Variants in PTPRO observed in about 807,000 individuals in gnomAD.
PTPRO encodes protein tyrosine phosphatase receptor type O.
In PTPRO, 62 loss-of-function variants were observed where a neutral mutation model predicts 145.2. That is an observed-to-expected ratio of 0.43 (90% CI 0.35 to 0.53). The LOEUF is 0.53. PTPRO is among the 20% of genes least tolerant of loss of function. The probability of loss-of-function intolerance (pLI) is 0.01; values close to 1 mark genes in which losing one functional copy is unlikely to be tolerated. For synonymous variants in PTPRO, 565 were observed against 514.7 expected (o/e 1.10, Z -1.32); for missense variants, 1,345 against 1,482.7 (o/e 0.91, Z 1.53).
chr12:15,583,159 C>A (rs1944356429), intron 23 of PTPRO, among the ~76,000 whole-genome samples: 1 of 152,096 alleles, frequency 6.6e-6, no homozygotes, highest in Admixed American at 6.5e-5. Context: ...AGCCCATGAG[C>A]TAAGAATGGT....
At chr12:15,391,271 G>A (rs1939183165) in intron 1 of PTPRO, among the ~76,000 whole-genome samples, 2 of 152,144 alleles carry the variant, frequency 1.3e-5, no homozygotes, top group Non-Finnish European at 2.9e-5. Flanking sequence ...TCTCTGAAAA[G>A]GTTTAGTACC....
chr12:15,414,025 C>T (rs1300770370), intron 1 of PTPRO, among the ~76,000 whole-genome samples: 4 of 152,006 alleles, frequency 2.6e-5, no homozygotes, highest in Non-Finnish European at 4.4e-5. Context: ...TCATAAATTG[C>T]GAAGTAACTA....
chr12:15,543,028 A>C (rs570160814), intron 12 of PTPRO, among the ~76,000 whole-genome samples: 1 of 152,368 alleles, frequency 6.6e-6, no homozygotes, highest in African/African-American at 2.4e-5. Flanking sequence ...GTTCATAATT[A>C]TAATAACAAT....
At chr12:15,535,002 G>A (rs1943038943) in intron 12 of PTPRO, among the ~76,000 whole-genome samples, 2 of 152,184 alleles carry the variant, frequency 1.3e-5, no homozygotes, top group South Asian at 4.1e-4. Context: ...TGTGTCCACA[G>A]AACTTTCTGA....
chr12:15,508,456 T>C, intron 6 of PTPRO, 115 bp from the exon 7 acceptor site: 1 of 1,145,616 alleles, frequency 8.7e-7, no homozygotes, highest in East Asian at 2.6e-5. Context: ...ACCGCCAATC[T>C]TTCTTTGAAT....
At chr12:15,593,885 A>T (rs557339535) in intron 25 of PTPRO, among the ~76,000 whole-genome samples, 1 of 152,274 alleles carries the variant, frequency 6.6e-6, no homozygotes, top group South Asian at 2.1e-4. Context: ...ACTTTGTATT[A>T]CTTGACTATT....
chr12:15,508,493 T>A (rs1478775670), intron 6 of PTPRO, 78 bp from the exon 7 acceptor site: 3 of 1,432,932 alleles, frequency 2.1e-6, no homozygotes, highest in Non-Finnish European at 2.9e-6. Flanking sequence ...AAAGAAAACA[T>A]GATTTTTTAA....
At chr12:15,474,992 C>T (rs1941622559) in intron 1 of PTPRO, among the ~76,000 whole-genome samples, 1 of 152,200 alleles carries the variant, frequency 6.6e-6, no homozygotes, top group Admixed American at 6.5e-5. Flanking sequence ...TTTTTGGCAA[C>T]CTGGAAGTGC....
chr12:15,371,173 T>C (rs1938516389), intron 1 of PTPRO, among the ~76,000 whole-genome samples: 2 of 152,098 alleles, frequency 1.3e-5, no homozygotes, highest in African/African-American at 2.4e-5. Context: ...GTAAAACTTG[T>C]AGTACTTTAT....
intron 1 of PTPRO, among the ~76,000 whole-genome samples, chr12:15,432,499 A>G (rs1940470656): frequency 6.6e-6 from 1 of 152,214 alleles, no homozygotes; most frequent in African/African-American, 2.4e-5. Flanking sequence ...AACAATTTAT[A>G]TTCCTTTGGG....
chr12:15,508,279 T>A (rs1942363953), intron 6 of PTPRO, among the ~76,000 whole-genome samples: 1 of 152,144 alleles, frequency 6.6e-6, no homozygotes, highest in African/African-American at 2.4e-5. Context: ...AAAAGAGAAG[T>A]AAGTTTTCTC....
At chr12:15,445,748 T>A (rs1246090330) in intron 1 of PTPRO, among the ~76,000 whole-genome samples, 1 of 152,182 alleles carries the variant, frequency 6.6e-6, no homozygotes, top group Non-Finnish European at 1.5e-5. Flanking sequence ...TGAATCAACT[T>A]AAATTGACAT....
chr12:15,398,400 CCTT>C (rs1490427361), intron 1 of PTPRO, among the ~76,000 whole-genome samples: 1 of 151,964 alleles, frequency 6.6e-6, no homozygotes, highest in Non-Finnish European at 1.5e-5. Flanking sequence ...TTGTCTTTGA[CCTT>C]CTGAGCGCAG....
At chr12:15,463,738 T>C (rs1941355944) in intron 1 of PTPRO, among the ~76,000 whole-genome samples, 1 of 152,206 alleles carries the variant, frequency 6.6e-6, no homozygotes, top group African/African-American at 2.4e-5. Context: ...CTTTCATGCT[T>C]CTCTTCCTAC....
At chr12:15,526,980 A>T (rs1942853034) in intron 12 of PTPRO, among the ~76,000 whole-genome samples, 1 of 152,204 alleles carries the variant, frequency 6.6e-6, no homozygotes, top group Non-Finnish European at 1.5e-5. Context: ...TAAAATAAGT[A>T]CTAAAAGATG....
chr12:15,361,986 G>T (rs1938223907), intron 1 of PTPRO, among the ~76,000 whole-genome samples: 1 of 152,162 alleles, frequency 6.6e-6, no homozygotes, highest in Non-Finnish European at 1.5e-5. Context: ...GACAGACACT[G>T]TACATGAACT....
At chr12:15,358,124 A>T (rs1461164206) in intron 1 of PTPRO, among the ~76,000 whole-genome samples, 1 of 150,936 alleles carries the variant, frequency 6.6e-6, no homozygotes, top group African/African-American at 2.4e-5. Context: ...TTCTCAGTAA[A>T]CTATCGCAAG....
At chr12:15,353,633 C>T (rs1466414828) in intron 1 of PTPRO, among the ~76,000 whole-genome samples, 1 of 152,132 alleles carries the variant, frequency 6.6e-6, no homozygotes, top group Non-Finnish European at 1.5e-5. Flanking sequence ...TGAAGCTTTC[C>T]TGGGCATTTT....
chr12:15,486,676 C>T (rs1941894582), intron 2 of PTPRO, among the ~76,000 whole-genome samples: 1 of 151,872 alleles, frequency 6.6e-6, no homozygotes, highest in African/African-American at 2.4e-5. Context: ...AACATATAAT[C>T]AATATACATA....
Sources: allele counts gnomAD v4.1 joint callset (sites outside exome capture counted in the v4.1 genomes callset), GRCh38; gene constraint gnomAD v4.1.1; transcripts MANE v1.5; gene names NCBI Gene and HGNC (gene_info 2026-07-23, HGNC 2026-07-21).